Variants in WWTR1 observed in about 807,000 individuals in gnomAD.
WWTR1 encodes WW domain-containing transcription regulator protein 1.
A neutral mutation model predicts 40.1 loss-of-function variants in WWTR1; 13 were observed. The ratio of observed to expected loss-of-function variants is 0.32; its 90% CI spans 0.21 to 0.52. The LOEUF is 0.52. Among genes scored for constraint, WWTR1 ranks in the 20% least tolerant of loss-of-function variants. The pLI is 0.97. For synonymous variants in WWTR1, 230 were observed against 210.1 expected (o/e 1.09, Z -0.82); for missense variants, 436 against 523.1 (o/e 0.83, Z 1.63).
At chr3:149,623,832 G>C (rs1490686404) in intron 2 of WWTR1, among the ~76,000 whole-genome samples, 18 of 152,194 alleles carry the variant, frequency 1.2e-4, no homozygotes, top group Non-Finnish European at 1.5e-5. Flanking sequence ...AGTCCTTTCT[G>C]AAGGGCCATG....
chr3:149,712,231 C>T (rs1489647979), intron 5 of WWTR1, among the ~76,000 whole-genome samples: 3 of 152,108 alleles, frequency 2.0e-5, no homozygotes, highest in African/African-American at 7.2e-5. Context: ...GGCTGTAGTA[C>T]ACTATGACCA....
At chr3:149,529,273 A>T (rs1402133694) in intron 4 of WWTR1, among the ~76,000 whole-genome samples, 1 of 152,198 alleles carries the variant, frequency 6.6e-6, no homozygotes, top group Non-Finnish European at 1.5e-5. Context: ...TATCTTCGTT[A>T]GATCTCTTCC....
intron 2 of WWTR1, among the ~76,000 whole-genome samples, chr3:149,645,421 C>T (rs34246327): frequency 0.11 from 16,606 of 152,202 alleles, 979 homozygotes; most frequent in East Asian, 0.15. Context: ...ATCCACCTGC[C>T]TTGGCCTCCT....
intron 2 of WWTR1, among the ~76,000 whole-genome samples, chr3:149,587,704 C>T (rs573142232): frequency 3.3e-5 from 5 of 152,238 alleles, no homozygotes; most frequent in African/African-American, 1.2e-4. Context: ...AATGTCCTTC[C>T]AGTGCTTGGA....
At chr3:149,570,538 A>G (rs948711822) in intron 3 of WWTR1, among the ~76,000 whole-genome samples, 11 of 151,830 alleles carry the variant, frequency 7.2e-5, no homozygotes, top group African/African-American at 2.4e-4. Context: ...ACTGCACTCC[A>G]GCCCGGATGA....
chr3:149,631,692 A>G (rs1711554613), intron 2 of WWTR1, among the ~76,000 whole-genome samples: 1 of 152,152 alleles, frequency 6.6e-6, no homozygotes. Context: ...TTCACTCCCT[A>G]TAGCCATTCT....
intron 5 of WWTR1, among the ~76,000 whole-genome samples, chr3:149,714,726 A>G (rs80311932): frequency 2.0e-5 from 3 of 152,298 alleles, no homozygotes; most frequent in Admixed American, 2.0e-4. Flanking sequence ...CTTCAAGCCA[A>G]GGGGGGCCTG....
chr3:149,523,118 G>C (rs973104993), intron 6 of WWTR1, among the ~76,000 whole-genome samples: 1 of 151,696 alleles, frequency 6.6e-6, no homozygotes, highest in African/African-American at 2.4e-5. Flanking sequence ...TGGAAGGCAT[G>C]AGGATACTGG....
At chr3:149,650,750 T>A (rs60698991) in intron 2 of WWTR1, among the ~76,000 whole-genome samples, 7,807 of 152,318 alleles carry the variant, frequency 0.051, 602 homozygotes, top group East Asian at 0.24. Flanking sequence ...GAGTTGGGTA[T>A]CCTCTGCCCA....
chr3:149,593,498 T>G (rs1172384409), intron 2 of WWTR1, among the ~76,000 whole-genome samples: 3 of 152,300 alleles, frequency 2.0e-5, no homozygotes, highest in African/African-American at 7.2e-5. Context: ...TTAAAATAAT[T>G]TCCTTCAGTG....
At chr3:149,702,559 G>A (rs1055012276) in intron 1 of WWTR1, 6 of 151,636 alleles carry the variant, frequency 4.0e-5, no homozygotes, top group African/African-American at 7.3e-5. Context: ...ATGAGACCAC[G>A]TATGTGAAGC....
upstream of WWTR1, among the ~76,000 whole-genome samples, chr3:149,659,020 T>A (rs1189142461): frequency 6.6e-6 from 1 of 152,032 alleles, no homozygotes; most frequent in Admixed American, 6.6e-5. Flanking sequence ...ACCCCCTGCC[T>A]CTAGCTAAGG....
At chr3:149,714,648 C>T (rs1474853727) in intron 5 of WWTR1, among the ~76,000 whole-genome samples, 3 of 152,206 alleles carry the variant, frequency 2.0e-5, no homozygotes, top group Non-Finnish European at 4.4e-5. Context: ...AGCCTGGGCA[C>T]CATGAACAGC....
chr3:149,595,241 T>C lies in WWTR1; in HGVS notation c.432-22241A>G, dbSNP rs1051797410. ...TCCCAAAGTGCTGGGATTACAGGCA[T>C]GAGCCACCGCGCCCAGCCTTGCCTA... On this transcript the variant is annotated intron_variant, in intron 2 of 6. Transcript: ENST00000360632. Among the ~76,000 whole-genome samples the C allele has an allele frequency of 2.0e-5, 3 of 152,234 alleles. No individual in the cohort carries two copies. The East Asian group carries it at 5.8e-4, about 29-fold the overall frequency.
chr3:149,526,423 AC>A lies in WWTR1; in HGVS notation c.906-299del, dbSNP rs1344082480. ...TTATGTAAAACTTTAAAAAAAAAAAACAAAAACTATGTTGAATATTGCTTAT... is the reference window on the plus strand; with the variant it reads ...TTATGTAAAACTTTAAAAAAAAAAAAAAAAACTATGTTGAATATTGCTTAT... On this transcript the variant is annotated intron_variant, in intron 5 of 6. Transcript: ENST00000360632. Among the ~76,000 whole-genome samples, 23 of 152,092 alleles carry A rather than the reference AC, an allele frequency of 1.5e-4. No individual in the cohort carries two copies. In the South Asian group the frequency reaches 3.9e-3, roughly 26 times the overall value.
At chr3:149,604,795 G>T (rs1190301066) in intron 2 of WWTR1, among the ~76,000 whole-genome samples, 3 of 152,240 alleles carry the variant, frequency 2.0e-5, no homozygotes, top group Non-Finnish European at 4.4e-5. Context: ...ACACTGGCAG[G>T]CCAGAAGGCA....
intron 3 of WWTR1, among the ~76,000 whole-genome samples, chr3:149,568,893 A>G (rs1256688010): frequency 1.3e-5 from 2 of 152,124 alleles, no homozygotes; most frequent in African/African-American, 2.4e-5. Context: ...CAGCCTCCCG[A>G]GCAGCTGGGA....
chr3:149,678,451 A>C lies in WWTR1; in HGVS notation c.-107-8560T>G, dbSNP rs574156309. 3.2e-4 allele frequency among the ~76,000 whole-genome samples: 48 copies of C among 152,206 alleles called. No homozygotes were observed. The East Asian group carries it at 8.9e-3, about 28-fold the overall frequency. ...AATGGCCAGTAGTACATTCTGCTTAATTGTCATGTTCTGTTAATCACAGGA... is the reference window on the plus strand; with the variant it reads ...AATGGCCAGTAGTACATTCTGCTTACTTGTCATGTTCTGTTAATCACAGGA... On this transcript the variant is annotated intron_variant, in intron 1 of 7. Coordinates refer to the WWTR1 transcript ENST00000465804.
rs369404704 is a variant in WWTR1, at chr3:149,610,016, A to C, written c.432-37016T>G. On this transcript the variant is annotated intron_variant, in intron 2 of 6. Transcript: ENST00000360632. ...CAACATTAATTCACTTTTACAATGA[A>C]GGGCTCAGGCAGAAGAAAAGTAGCT... 1.6e-4 allele frequency among the ~76,000 whole-genome samples: 25 copies of C among 152,348 alleles called. No homozygotes were observed. The East Asian group carries it at 3.1e-3, about 19-fold the overall frequency.
Sources: gnomAD v4.1 joint callset for allele counts (sites outside exome capture counted in the v4.1 genomes callset) on GRCh38, gnomAD v4.1.1 for gene constraint, MANE v1.5 for transcripts, NCBI Gene and HGNC (gene_info 2026-07-23, HGNC 2026-07-21) for gene names.